The following DYNC2LI1 variants were observed in gnomAD, a reference collection of about 807,000 sequenced individuals.
DYNC2LI1 encodes dynein cytoplasmic 2 light intermediate chain 1, also known as cytoplasmic dynein 2 light intermediate chain 1.
In DYNC2LI1, 45 loss-of-function variants were observed where a neutral mutation model predicts 51.9. The observed-to-expected ratio is 0.87, with a 90% CI of 0.68 to 1.11. The LOEUF (loss-of-function observed/expected upper bound fraction) is 1.11, where lower values mean the gene tolerates loss of function less well. Among genes scored for constraint, DYNC2LI1 ranks in the 50% most tolerant of loss-of-function variants. The pLI is 0.00. For missense variants in DYNC2LI1, 490 were observed against 417.4 expected, an observed-to-expected ratio of 1.17 and a Z score of -1.51; for synonymous variants, 130 against 137.8, an observed-to-expected ratio of 0.94 and a Z score of 0.40.
downstream of DYNC2LI1, among the ~76,000 whole-genome samples, chr2:43,813,738 G>A (rs71420070): frequency 5.6e-4 from 24 of 42,860 alleles, no homozygotes; most frequent in African/African-American, 2.2e-3. Context: ...TTTTTTTTGA[G>A]ACACAGTTTC....
In DYNC2LI1 at chr2:43,805,173, A is replaced by T. The variant is rs1457295432; in HGVS notation, c.920A>T (p.Asp307Val). The T allele has an allele frequency of 3.1e-6, 5 of 1,610,846 alleles. No individual in the cohort carries two copies. Among genetic ancestry groups the T allele is most frequent in the Non-Finnish European group, 4.2e-6 (5 of 1,177,962 alleles). The part of the protein sequence containing the change: ...FPPKSINTLK[D>V]IKDPARDPQY... ...TTTCAGAGTATTAACACGCTGAAAG[A>T]TATCAAGGACCCTGCGAGAGATCCT... Residue 307 changes from aspartate to valine, a missense_variant, in exon 12 of 13, where the codon GAT becomes GTT. Coordinates refer to ENST00000260605, the MANE Select transcript of DYNC2LI1 (RefSeq NM_016008.4).
At chr2:43,805,304 G>A (rs778391464) in intron 12 of DYNC2LI1, 58 bp downstream of exon 12, 5 of 1,110,742 alleles carry the variant, frequency 4.5e-6, no homozygotes, top group African/African-American at 1.6e-5. Context: ...AACCTGGGGT[G>A]CCTTGGGAAT....
At chr2:43,819,921 A>AATCCAG in the DYNC2LI1 span, 1 of 1,614,054 alleles carries the variant, frequency 6.2e-7, no homozygotes, top group African/African-American at 1.3e-5. Context: ...TTACCTGAGG[A>AATCCAG]ATCCAGATCC....
the DYNC2LI1 span, among the ~76,000 whole-genome samples, chr2:43,818,260 A>G: frequency 1.5e-3 from 231 of 152,216 alleles, 1 homozygote; most frequent in African/African-American, 5.2e-3. Context: ...CCTGGCCAAC[A>G]TGGCGAAACC....
At chr2:43,791,242 G>C (rs530091474) in intron 5 of DYNC2LI1, among the ~76,000 whole-genome samples, 1 of 152,008 alleles carries the variant, frequency 6.6e-6, no homozygotes, top group Non-Finnish European at 1.5e-5. Context: ...GAGAGAGAGA[G>C]ATAGGGTGGG....
chr2:43,810,559 T>A, downstream of DYNC2LI1: 1 of 969,884 alleles, frequency 1.0e-6, no homozygotes, highest in Non-Finnish European at 1.2e-6. Context: ...AATGATTTAT[T>A]CTATGTTCTT....
chr2:43,816,599 A>C, the DYNC2LI1 span, among the ~76,000 whole-genome samples: 1 of 152,164 alleles, frequency 6.6e-6, no homozygotes, highest in Non-Finnish European at 1.5e-5. Context: ...GCTGGAGTGC[A>C]GTGGCATGAT....
intron 1 of DYNC2LI1, among the ~76,000 whole-genome samples, chr2:43,776,215 T>TAGC (rs1173085662): frequency 1.3e-5 from 2 of 152,014 alleles, no homozygotes; most frequent in Non-Finnish European, 2.9e-5. Flanking sequence ...GTAGTAGTAG[T>TAGC]AGCAGTAGTA....
At chr2:43,805,746 A>G (rs1272369001) in intron 12 of DYNC2LI1, among the ~76,000 whole-genome samples, 4 of 152,202 alleles carry the variant, frequency 2.6e-5, no homozygotes, top group Admixed American at 6.5e-5. Flanking sequence ...AGGTTCTCTC[A>G]GGAAAATGCT....
In DYNC2LI1 at chr2:43,807,082, G is replaced by A. The variant is rs551851341; in HGVS notation, c.993+1836G>A. Among the ~76,000 whole-genome samples the A allele has an allele frequency of 2.0e-4, 31 of 152,126 alleles. 1 individual carries two copies. Among genetic ancestry groups the A allele is most frequent in the African/African-American group, 7.0e-4 (29 of 41,478 alleles). ...GTTGCTGTTATTTCATTGATAATCCGAATCTAAATTTTGACATTCTACTAT... is the reference window on the plus strand; with the variant it reads ...GTTGCTGTTATTTCATTGATAATCCAAATCTAAATTTTGACATTCTACTAT... On this transcript the variant is annotated intron_variant, in intron 12 of 12. Coordinates refer to ENST00000260605, the MANE Select transcript of DYNC2LI1 (RefSeq NM_016008.4).
At chr2:43,810,315 C>T (rs1000316499), downstream of DYNC2LI1, 84 of 971,130 alleles carry the variant, frequency 8.6e-5, no homozygotes, top group African/African-American at 1.3e-3. Context: ...CATTTTTAAT[C>T]AGCACCAATT....
chr2:43,786,184 C>T (rs17031525), intron 3 of DYNC2LI1, among the ~76,000 whole-genome samples: 3,291 of 152,170 alleles, frequency 0.022, 80 homozygotes, highest in African/African-American at 0.062. Context: ...TAGAGAACTG[C>T]GTTAAAGTCT....
chr2:43,782,600 A>G (rs910076727), intron 2 of DYNC2LI1, among the ~76,000 whole-genome samples: 3 of 151,892 alleles, frequency 2.0e-5, no homozygotes, highest in East Asian at 1.9e-4. Context: ...GATATAAACC[A>G]CTGAGCTAAT....
intron 1 of DYNC2LI1, among the ~76,000 whole-genome samples, chr2:43,776,507 G>A (rs894731798): frequency 1.3e-5 from 2 of 152,134 alleles, no homozygotes; most frequent in Non-Finnish European, 2.9e-5. Flanking sequence ...GCTATGAACC[G>A]TAGGGGAAGA....
intron 2 of DYNC2LI1, among the ~76,000 whole-genome samples, chr2:43,778,227 G>A (rs190102516): frequency 1.8e-3 from 273 of 152,248 alleles, no homozygotes; most frequent in African/African-American, 6.3e-3. Context: ...GCAGTGGTGC[G>A]ATCTCAGCAC....
intron 4 of DYNC2LI1, 40 bp from the exon 5 acceptor site, chr2:43,789,593 G>T (rs1309616914): frequency 6.7e-7 from 1 of 1,500,822 alleles, no homozygotes; most frequent in Non-Finnish European, 9.3e-7. Flanking sequence ...CATATAAGAA[G>T]TACTTAAACT....
intron 2 of DYNC2LI1, among the ~76,000 whole-genome samples, chr2:43,779,353 C>T (rs1673169679): frequency 6.6e-6 from 1 of 152,192 alleles, no homozygotes; most frequent in Admixed American, 6.5e-5. Flanking sequence ...TTCTATTGTT[C>T]AATTAATAGT....
chr2:43,827,922 A>G, the DYNC2LI1 span: 2 of 1,608,116 alleles, frequency 1.2e-6, no homozygotes, highest in Non-Finnish European at 8.5e-7. Flanking sequence ...GGCCCAAAGT[A>G]TCTGCACACA....
intron 3 of DYNC2LI1, among the ~76,000 whole-genome samples, chr2:43,785,595 G>A (rs1395790650): frequency 1.3e-5 from 2 of 152,086 alleles, no homozygotes; most frequent in Non-Finnish European, 2.9e-5. Context: ...TTGGCCAAGC[G>A]TGGTGGCGGG....
Sources: gnomAD v4.1 joint callset for allele counts (sites outside exome capture counted in the v4.1 genomes callset) on GRCh38, gnomAD v4.1.1 for gene constraint, MANE v1.5 for transcripts, NCBI Gene and HGNC (gene_info 2026-07-23, HGNC 2026-07-21) for gene names.